The following PXDNL variants were observed in gnomAD, a reference collection of about 807,000 sequenced individuals.
PXDNL encodes the protein peroxidasin like.
In PXDNL, 145 loss-of-function variants were observed where a neutral mutation model predicts 150.8. The ratio of observed to expected loss-of-function variants is 0.96; its 90% confidence interval spans 0.84 to 1.10. The LOEUF (loss-of-function observed/expected upper bound fraction) is 1.10. Among genes scored for constraint, PXDNL ranks in the 50% least tolerant of loss-of-function variants. PXDNL has a pLI of 0.00. For synonymous variants in PXDNL, 757 were observed against 725.7 expected, an observed-to-expected ratio of 1.04 and a Z score of -0.69; for missense variants, 2,087 against 1,873.9, an observed-to-expected ratio of 1.11 and a Z score of -2.10.
intron 6 of PXDNL, among the ~76,000 whole-genome samples, chr8:51,481,067 CA>C (rs1158104195): frequency 7.9e-5 from 12 of 152,062 alleles, no homozygotes; most frequent in African/African-American, 2.7e-4. Flanking sequence ...GGCTCAGAAG[CA>C]GATAGAAAAA....
intron 1 of PXDNL, among the ~76,000 whole-genome samples, chr8:51,684,958 G>T (rs1815840660): frequency 6.6e-6 from 1 of 152,184 alleles, no homozygotes; most frequent in Non-Finnish European, 1.5e-5. Context: ...TCAGCTATGG[G>T]AGACCCTGAG....
intron 3 of PXDNL, among the ~76,000 whole-genome samples, chr8:51,591,137 T>C (rs1813434706): frequency 6.6e-6 from 1 of 152,188 alleles, no homozygotes; most frequent in Non-Finnish European, 1.5e-5. Context: ...CATGTCTGTA[T>C]GCTCATTTGT....
intron 4 of PXDNL, among the ~76,000 whole-genome samples, chr8:51,540,501 A>C (rs1812192106): frequency 6.6e-6 from 1 of 152,192 alleles, no homozygotes; most frequent in African/African-American, 2.4e-5. Context: ...ATTACTTAAT[A>C]GGTCTAAATA....
intron 3 of PXDNL, among the ~76,000 whole-genome samples, chr8:51,591,529 T>TAAAG (rs770978666): frequency 6.6e-6 from 1 of 152,156 alleles, no homozygotes; most frequent in South Asian, 2.1e-4. Flanking sequence ...TGGAATGGTG[T>TAAAG]CTTCTCTTTA....
At chr8:51,355,611 A>T (rs1231722277) in intron 19 of PXDNL, among the ~76,000 whole-genome samples, 1 of 152,188 alleles carries the variant, frequency 6.6e-6, no homozygotes, top group African/African-American at 2.4e-5. Context: ...AGAGTAAATC[A>T]TTTTCTGTTC....
At chr8:51,786,966 G>A (rs777947258) in intron 1 of PXDNL, among the ~76,000 whole-genome samples, 6 of 152,116 alleles carry the variant, frequency 3.9e-5, no homozygotes, top group South Asian at 2.1e-4. Context: ...TAAGATCCTA[G>A]AGCCTTTAAG....
intron 9 of PXDNL, among the ~76,000 whole-genome samples, chr8:51,456,754 C>T (rs986407855): frequency 4.6e-5 from 7 of 152,124 alleles, no homozygotes; most frequent in African/African-American, 7.2e-5. Flanking sequence ...GATATCATTT[C>T]GGTAACTAGG....
intron 4 of PXDNL, among the ~76,000 whole-genome samples, chr8:51,513,874 T>G (rs1379223767): frequency 6.6e-6 from 1 of 152,254 alleles, no homozygotes; most frequent in African/African-American, 2.4e-5. Context: ...AGTTTCCAGA[T>G]GTAGACGTAG....
At chr8:51,415,494 C>A (rs1808772411) in intron 14 of PXDNL, among the ~76,000 whole-genome samples, 1 of 152,126 alleles carries the variant, frequency 6.6e-6, no homozygotes, top group Non-Finnish European at 1.5e-5. Context: ...CATGAGAATT[C>A]ACTCATTATC....
intron 9 of PXDNL, among the ~76,000 whole-genome samples, chr8:51,456,656 C>T (rs190284496): frequency 4.7e-4 from 71 of 152,308 alleles, no homozygotes; most frequent in Admixed American, 3.2e-3. Flanking sequence ...TCTTCGGTCT[C>T]AGGGTTATTA....
chr8:51,696,691 G>T (rs372901773), intron 1 of PXDNL, among the ~76,000 whole-genome samples: 31 of 50,168 alleles, frequency 6.2e-4, no homozygotes, highest in South Asian at 1.5e-3. Flanking sequence ...ACACACACAG[G>T]TCCACACACA....
At chr8:51,571,887 GT>G (rs1469186987) in intron 3 of PXDNL, among the ~76,000 whole-genome samples, 2 of 151,834 alleles carry the variant, frequency 1.3e-5, no homozygotes, top group African/African-American at 4.8e-5. Flanking sequence ...TCAGTAAGGT[GT>G]TTGGCAAACA....
chr8:51,471,738 G>A (rs956312600), intron 8 of PXDNL, among the ~76,000 whole-genome samples: 3 of 150,874 alleles, frequency 2.0e-5, no homozygotes, highest in South Asian at 2.1e-4. Context: ...CCAGGCTGGA[G>A]TGCAGTGGCA....
At chr8:51,438,634 G>A (rs1276689670) in intron 12 of PXDNL, among the ~76,000 whole-genome samples, 2 of 152,098 alleles carry the variant, frequency 1.3e-5, no homozygotes, top group Non-Finnish European at 2.9e-5. Context: ...AGAATGGCGT[G>A]AACCTGGGAG....
At chr8:51,566,961 C>T (rs58623542) in intron 3 of PXDNL, among the ~76,000 whole-genome samples, 12,433 of 151,480 alleles carry the variant, frequency 0.082, 565 homozygotes, top group South Asian at 0.1. Flanking sequence ...CTGCATCCCG[C>T]GAAATCTGAT....
intron 2 of PXDNL, among the ~76,000 whole-genome samples, chr8:51,640,307 C>T (rs1585640394): frequency 6.6e-6 from 1 of 152,122 alleles, no homozygotes; most frequent in Non-Finnish European, 1.5e-5. Flanking sequence ...ACAGGGATGC[C>T]GTCTCTCACC....
chr8:51,786,081 A>G (rs552171912), intron 1 of PXDNL, among the ~76,000 whole-genome samples: 16 of 152,336 alleles, frequency 1.1e-4, no homozygotes, highest in African/African-American at 3.6e-4. Flanking sequence ...TTAAACAACT[A>G]TCTACAGGAA....
intron 1 of PXDNL, among the ~76,000 whole-genome samples, chr8:51,802,565 G>T (rs1393406644): frequency 6.6e-6 from 1 of 152,194 alleles, no homozygotes; most frequent in South Asian, 2.1e-4. Context: ...GCCCAGGAAT[G>T]CCAAAAGATT....
intron 4 of PXDNL, among the ~76,000 whole-genome samples, chr8:51,525,499 C>G (rs1811752175): frequency 6.6e-6 from 1 of 152,230 alleles, no homozygotes. Flanking sequence ...CTTAATATAA[C>G]ATCTCTTTTC....
Sources: allele counts gnomAD v4.1 joint callset (sites outside exome capture counted in the v4.1 genomes callset), GRCh38; gene constraint gnomAD v4.1.1; transcripts MANE v1.5; gene names NCBI Gene and HGNC (gene_info 2026-07-23, HGNC 2026-07-21).